Variants in BBS7 observed in about 807,000 individuals in gnomAD.
The protein encoded by BBS7 is Bardet-Biedl syndrome 7, also known as BBSome complex member BBS7.
Under a neutral mutation model 90.3 loss-of-function variants are expected in BBS7, and 50 were observed. That is an observed-to-expected ratio of 0.55 (90% CI 0.44 to 0.70). The LOEUF (loss-of-function observed/expected upper bound fraction) is 0.70, where lower values mean the gene tolerates loss of function less well. Ranked by LOEUF, BBS7 falls within the 30% of genes least tolerant of loss-of-function variation. BBS7 has a pLI of 0.00. For synonymous variants in BBS7, 235 were observed against 287.4 expected, an observed-to-expected ratio of 0.82 and a Z score of 1.85; for missense variants, 729 against 838.9, an observed-to-expected ratio of 0.87 and a Z score of 1.62.
intron 5 of BBS7, among the ~76,000 whole-genome samples, chr4:121,856,636 C>T (rs921718241): frequency 2.0e-4 from 30 of 151,848 alleles, no homozygotes; most frequent in African/African-American, 5.8e-4. Context: ...TGCTTGAACC[C>T]GGGAAGCAGA....
chr4:121,851,461 A>T (rs1726317936), intron 8 of BBS7, among the ~76,000 whole-genome samples: 1 of 151,362 alleles, frequency 6.6e-6, no homozygotes, highest in Non-Finnish European at 1.5e-5. Flanking sequence ...GGGAAAAGAA[A>T]GGGAAGAAAG....
chr4:121,858,369 AGTGTGTGT>A (rs56144001), intron 5 of BBS7, among the ~76,000 whole-genome samples: 3 of 150,494 alleles, frequency 2.0e-5, no homozygotes, highest in Non-Finnish European at 3.0e-5. Context: ...CATCCTATAG[AGTGTGTGT>A]GTGTGTGTGT....
chr4:121,845,304 G>A (rs1209503339), intron 11 of BBS7, among the ~76,000 whole-genome samples, 200 bp downstream of exon 11: 1 of 151,946 alleles, frequency 6.6e-6, no homozygotes, highest in African/African-American at 2.4e-5. Flanking sequence ...GGAGTCGGAG[G>A]TTACAGTGAG....
rs200373010 is a variant in BBS7, at chr4:121,845,637, G to A, written c.1097C>T (p.Ser366Phe). The A allele has an allele frequency of 2.3e-5, 37 of 1,613,060 alleles. No homozygotes were observed. The African/African-American group carries it at 4.5e-4, about 20-fold the overall frequency. The change falls in exon 11 of 19, where the codon TCT (serine) becomes TTT (phenylalanine). Residue 366 changes from serine (S) to phenylalanine (F), a missense_variant. Transcript: ENST00000264499. Reference protein sequence around the residue: ...VLQERENYQQSSQSSKAKSAV... With the variant: ...VLQERENYQQFSQSSKAKSAV... ...TGATTTTGCTTTGCTTGATTGAGAA[G>A]ACTGTTGATAATTCTCTCTTTCCTG...
intron 3 of BBS7, among the ~76,000 whole-genome samples, chr4:121,861,965 T>G (rs1342880313): frequency 2.0e-5 from 3 of 152,166 alleles, no homozygotes; most frequent in Non-Finnish European, 4.4e-5. Context: ...ATCACTAAAT[T>G]TATTTAAAAT....
intron 1 of BBS7, among the ~76,000 whole-genome samples, chr4:121,868,838 T>C (rs1444800352): frequency 6.6e-6 from 1 of 151,562 alleles, no homozygotes; most frequent in Non-Finnish European, 1.5e-5. Flanking sequence ...TGCTGGTGTA[T>C]AGTTAGGAGA....
At chr4:121,828,029 C>G in intron 18 of BBS7, 117 bp downstream of exon 18, 1 of 1,533,556 alleles carries the variant, frequency 6.5e-7, no homozygotes, top group Non-Finnish European at 8.7e-7. Context: ...ATGACTGGTT[C>G]ATGAATCATG....
At position 121,861,632 on chromosome 4, in the gene BBS7, C is replaced by T. The variant is rs778509860; in HGVS notation, c.213G>A (p.Leu71=). ...CCTGAGGTGTGTTGATAACCCCTCC[C>T]AGTTCCAGCCTTGCAATCTTCGGCC... The part of the protein sequence containing the change: ...LPGPKIARLE[L]GGVINTPQEK... The change falls in exon 4 of 19, where the codon CTG becomes CTA. Residue 71 remains leucine (L), a synonymous_variant. Transcript: ENST00000264499. 22 of 1,613,476 alleles carry T rather than the reference C, an allele frequency of 1.4e-5. No homozygotes were observed. The highest frequency in any genetic ancestry group is 8.3e-5 in the Admixed American group (5 of 59,966).
chr4:121,850,074 T>G (rs1726233999), intron 8 of BBS7, among the ~76,000 whole-genome samples: 1 of 152,160 alleles, frequency 6.6e-6, no homozygotes, highest in Non-Finnish European at 1.5e-5. Flanking sequence ...CAAACTTGTC[T>G]GACAACCACT....
In BBS7 at chr4:121,825,973, T is replaced by C. The variant is rs1163284205; in HGVS notation, c.2035A>G (p.Ile679Val). 2 of 1,603,138 alleles carry C rather than the reference T, an allele frequency of 1.2e-6. No individual in the cohort carries two copies. Among genetic ancestry groups the C allele is most frequent in the East Asian group, 2.2e-5 (1 of 44,656 alleles). Residue 679 changes from isoleucine to valine, a missense_variant, in exon 19 of 19, where the codon ATA (isoleucine) becomes GTA (valine). Coordinates refer to ENST00000264499, the MANE Select transcript of BBS7 (RefSeq NM_176824.3). The part of the protein sequence containing the change: ...RLYGMITDLF[I>V]DKFKFKGTNV... Reference sequence around the variant, plus strand: ...GTGCCTTTAAACTTAAATTTATCTATGAAAAGATCAGTGATCATGCCTTTA... The same window carrying C: ...GTGCCTTTAAACTTAAATTTATCTACGAAAAGATCAGTGATCATGCCTTTA...
intron 15 of BBS7, among the ~76,000 whole-genome samples, chr4:121,830,986 T>C (rs1027595604): frequency 7.9e-5 from 12 of 152,174 alleles, no homozygotes; most frequent in African/African-American, 2.9e-4. Context: ...GGCAGGCAGA[T>C]CACGAGGTCA....
In BBS7 at chr4:121,828,209, C is replaced by T. The variant is rs1463861001; in HGVS notation, c.1951G>A (p.Glu651Lys). ...FLIPEYHCIL[E>K]EADHLQEEYK... ...TCTTCCTGTAGGTGATCTGCCTCTT[C>T]TAGAATACAGTGATATTCTGGTATC... Residue 651 changes from glutamate to lysine, a missense_variant, in exon 18 of 19, where the codon GAA becomes AAA. Transcript: ENST00000264499. The T allele has an allele frequency of 1.9e-6, 3 of 1,613,894 alleles. No individual in the cohort carries two copies. In the East Asian group the frequency reaches 6.7e-5, roughly 36 times the overall value.
At chr4:121,856,688 C>T (rs111523402) in intron 5 of BBS7, among the ~76,000 whole-genome samples, 57 of 150,924 alleles carry the variant, frequency 3.8e-4, no homozygotes, top group East Asian at 1.4e-3. Context: ...CCAGCCTGGG[C>T]GACAGAGCAA....
chr4:121,865,756 G>C (rs969217139), intron 2 of BBS7, among the ~76,000 whole-genome samples: 1 of 152,104 alleles, frequency 6.6e-6, no homozygotes, highest in African/African-American at 2.4e-5. Context: ...AAATCATATG[G>C]TCGCCCTATT....
chr4:121,861,507 G>C lies in BBS7; in HGVS notation c.338C>G (p.Ala113Gly), dbSNP rs553579716. 2.5e-6 allele frequency: 4 copies of C among 1,611,980 alleles called. No individual in the cohort carries two copies. The highest frequency in any genetic ancestry group is 3.4e-6 in the Non-Finnish European group (4 of 1,178,888). ...CAAAAGAGAACAAAAGACATACATA[G>C]CTTTAATGCTTTCAGTGAGGTTTGT... ...FETNLTESIK[A>G]MHISGSDLFL... Residue 113 changes from alanine to glycine, a missense_variant, in exon 4 of 19, where the codon GCT (alanine) becomes GGT (glycine). Ala to Gly is a moderately conservative substitution (Grantham distance 60). Transcript: ENST00000264499.
At chr4:121,839,593 T>C in intron 13 of BBS7, 38 bp downstream of exon 13, 1 of 1,520,570 alleles carries the variant, frequency 6.6e-7, no homozygotes, top group Non-Finnish European at 9.1e-7. Flanking sequence ...AAAAGGAAAT[T>C]CAAACATTCA....
At chr4:121,865,319 A>T (rs1037223260) in intron 2 of BBS7, among the ~76,000 whole-genome samples, 3 of 151,338 alleles carry the variant, frequency 2.0e-5, no homozygotes, top group Non-Finnish European at 4.4e-5. Context: ...GCTCACTGCA[A>T]CCTCTGCCTC....
At chr4:121,834,057 A>T (rs2149055246) in intron 14 of BBS7, among the ~76,000 whole-genome samples, 1 of 152,294 alleles carries the variant, frequency 6.6e-6, no homozygotes, top group Admixed American at 6.5e-5. Flanking sequence ...ATGGGATCAT[A>T]CTTTCTATCT....
At chr4:121,868,684 CAAAAAAAAAAAAAAAAAAA>C (rs34910805) in intron 1 of BBS7, among the ~76,000 whole-genome samples, 24 of 49,688 alleles carry the variant, frequency 4.8e-4, no homozygotes, top group Non-Finnish European at 8.3e-4. Context: ...GACCCTGTTT[CAAAAAAAAAAAAAAAAAAA>C]AAAAAAAAAA....
Sources: gnomAD v4.1 joint callset for allele counts (sites outside exome capture counted in the v4.1 genomes callset) on GRCh38, gnomAD v4.1.1 for gene constraint, MANE v1.5 for transcripts, NCBI Gene and HGNC (gene_info 2026-07-23, HGNC 2026-07-21) for gene names.